Variants in SLC35F4 observed in about 807,000 individuals in gnomAD.
The protein encoded by SLC35F4 is solute carrier family 35 member F4.
In SLC35F4, 24 loss-of-function variants were observed where a neutral mutation model predicts 44.2. The ratio of observed to expected loss-of-function variants is 0.54; its 90% CI spans 0.39 to 0.76. The LOEUF (loss-of-function observed/expected upper bound fraction) is 0.76, where lower values mean the gene tolerates loss of function less well. Among genes scored for constraint, SLC35F4 ranks in the 30% least tolerant of loss-of-function variants. The probability of loss-of-function intolerance (pLI) is 0.00; values close to 1 mark genes in which losing one functional copy is unlikely to be tolerated. For synonymous variants in SLC35F4, 238 were observed against 223.6 expected (o/e 1.06, Z -0.57); for missense variants, 562 against 586.1 (o/e 0.96, Z 0.42).
At chr14:57,959,612 G>A (rs867233895) in intron 1 of SLC35F4, among the ~76,000 whole-genome samples, 14 of 152,082 alleles carry the variant, frequency 9.2e-5, no homozygotes, top group African/African-American at 3.1e-4. Flanking sequence ...GACCACTTTC[G>A]CAGCCGAAAG....
intron 1 of SLC35F4, among the ~76,000 whole-genome samples, chr14:57,960,743 A>G (rs998639182): frequency 6.6e-6 from 1 of 152,184 alleles, no homozygotes. Context: ...GTAGGTAGGC[A>G]GAAAATCCAC....
intron 1 of SLC35F4, among the ~76,000 whole-genome samples, chr14:57,676,635 T>C (rs972289760): frequency 2.0e-5 from 3 of 151,996 alleles, no homozygotes; most frequent in South Asian, 2.1e-4. Flanking sequence ...AAAGAAGATA[T>C]AAAAACAGCC....
At chr14:57,668,018 T>C (rs997808385) in intron 1 of SLC35F4, among the ~76,000 whole-genome samples, 13 of 146,312 alleles carry the variant, frequency 8.9e-5, no homozygotes, top group African/African-American at 3.1e-4. Context: ...TTTTTAATGA[T>C]TGCCATTCTA....
intron 1 of SLC35F4, among the ~76,000 whole-genome samples, chr14:57,736,921 C>T (rs866908238): frequency 2.6e-5 from 4 of 151,368 alleles, no homozygotes; most frequent in African/African-American, 7.3e-5. Flanking sequence ...AGCCATCATA[C>T]TAAACAATAA....
intron 1 of SLC35F4, among the ~76,000 whole-genome samples, chr14:57,642,230 A>G (rs966032480): frequency 2.6e-5 from 4 of 151,814 alleles, no homozygotes; most frequent in Admixed American, 2.6e-4. Flanking sequence ...TGCAATCACC[A>G]TTTCTTTCTA....
intron 1 of SLC35F4, among the ~76,000 whole-genome samples, chr14:57,671,884 GC>G (rs2074534917): frequency 6.6e-6 from 1 of 151,998 alleles, no homozygotes; most frequent in South Asian, 2.1e-4. Context: ...ATGAAATCAG[GC>G]TAAGTGTGAG....
intron 1 of SLC35F4, among the ~76,000 whole-genome samples, chr14:57,832,052 T>G (rs1884427925): frequency 6.6e-6 from 1 of 152,198 alleles, no homozygotes; most frequent in Admixed American, 6.5e-5. Context: ...TCACGTATTA[T>G]TTAATAAATT....
At chr14:57,680,330 A>C (rs1371241619) in intron 1 of SLC35F4, among the ~76,000 whole-genome samples, 3 of 152,140 alleles carry the variant, frequency 2.0e-5, no homozygotes, top group African/African-American at 7.2e-5. Flanking sequence ...ACAGCCCTTC[A>C]TGCTAAAAAC....
At chr14:57,859,964 G>A (rs1887541716) in intron 1 of SLC35F4, among the ~76,000 whole-genome samples, 1 of 152,194 alleles carries the variant, frequency 6.6e-6, no homozygotes, top group Non-Finnish European at 1.5e-5. Context: ...CATTCAGGTA[G>A]AATGTTCGAA....
intron 1 of SLC35F4, among the ~76,000 whole-genome samples, chr14:57,691,745 G>C (rs2075237560): frequency 6.6e-6 from 1 of 152,154 alleles, no homozygotes; most frequent in African/African-American, 2.4e-5. Context: ...AAAAAGCTCA[G>C]AAAAGAAGGC....
intron 1 of SLC35F4, among the ~76,000 whole-genome samples, chr14:57,930,872 T>C (rs1010236386): frequency 3.3e-5 from 5 of 152,058 alleles, no homozygotes; most frequent in African/African-American, 1.2e-4. Context: ...ACACTGTGTG[T>C]CAAGACTTTG....
At chr14:57,652,431 A>G (rs1052934319) in intron 1 of SLC35F4, among the ~76,000 whole-genome samples, 17 of 152,070 alleles carry the variant, frequency 1.1e-4, no homozygotes, top group Admixed American at 2.6e-4. Flanking sequence ...AAAAATCAAT[A>G]CTTTTTGGAG....
At chr14:57,589,011 C>T (rs2069980589) in intron 3 of SLC35F4, among the ~76,000 whole-genome samples, 1 of 152,132 alleles carries the variant, frequency 6.6e-6, no homozygotes, top group Admixed American at 6.6e-5. Flanking sequence ...TATGCAAAAG[C>T]ACCAGTACAG....
chr14:57,568,932 AC>A (rs2068343545), intron 6 of SLC35F4, among the ~76,000 whole-genome samples: 1 of 152,038 alleles, frequency 6.6e-6, no homozygotes, highest in Non-Finnish European at 1.5e-5. Context: ...CTGTTTTTTA[AC>A]TGCTTGGTGA....
intron 1 of SLC35F4, among the ~76,000 whole-genome samples, chr14:57,779,904 C>T (rs1282863251): frequency 2.0e-5 from 3 of 152,108 alleles, no homozygotes; most frequent in African/African-American, 4.8e-5. Context: ...TAAAAACTCT[C>T]GACAAACTAG....
intron 1 of SLC35F4, among the ~76,000 whole-genome samples, chr14:57,626,870 A>ATAG (rs71104574): frequency 0.71 from 107,284 of 151,718 alleles, 38,780 homozygotes; most frequent in Middle Eastern, 0.8. Flanking sequence ...GTAATGACTG[A>ATAG]TAGAGTGGTA....
At chr14:57,810,091 G>A (rs1192727132) in intron 1 of SLC35F4, among the ~76,000 whole-genome samples, 1 of 152,192 alleles carries the variant, frequency 6.6e-6, no homozygotes, top group Admixed American at 6.5e-5. Context: ...GTTGGATGCA[G>A]TAATCACAAG....
At chr14:57,790,691 GA>G (rs1453177713) in intron 1 of SLC35F4, among the ~76,000 whole-genome samples, 1 of 151,906 alleles carries the variant, frequency 6.6e-6, no homozygotes. Flanking sequence ...AATCCTAAGC[GA>G]AAAGAACAAG....
chr14:57,852,072 C>T (rs1380436606), intron 1 of SLC35F4, among the ~76,000 whole-genome samples: 3 of 152,162 alleles, frequency 2.0e-5, no homozygotes, highest in Non-Finnish European at 4.4e-5. Context: ...CCATCCCTAC[C>T]TACTCTTAGG....
Sources: gnomAD v4.1 joint callset for allele counts (sites outside exome capture counted in the v4.1 genomes callset) on GRCh38, gnomAD v4.1.1 for gene constraint, MANE v1.5 for transcripts, NCBI Gene and HGNC (gene_info 2026-07-23, HGNC 2026-07-21) for gene names.